THSD7B: variants seen among roughly 807,000 people sequenced by gnomAD.
THSD7B encodes thrombospondin type-1 domain-containing protein 7B.
Under a neutral mutation model 213.6 loss-of-function variants are expected in THSD7B, and 138 were observed. The observed-to-expected ratio is 0.65, with a 90% CI of 0.56 to 0.74. THSD7B has a LOEUF of 0.74. Ranked by LOEUF, THSD7B falls within the 30% of genes least tolerant of loss-of-function variation. The pLI, the probability that THSD7B is intolerant of heterozygous loss-of-function variation, is 0.00. For synonymous variants in THSD7B, 742 were observed against 687.0 expected, an observed-to-expected ratio of 1.08 and a Z score of -1.25; for missense variants, 1,931 against 1,991.5, an observed-to-expected ratio of 0.97 and a Z score of 0.58.
At chr2:137,419,774 A>T (rs187704904) in intron 14 of THSD7B, among the ~76,000 whole-genome samples, 23 of 151,974 alleles carry the variant, frequency 1.5e-4, no homozygotes, top group East Asian at 8.0e-4. Flanking sequence ...TTCAGCTTGA[A>T]GGTCAGATTT....
intron 15 of THSD7B, among the ~76,000 whole-genome samples, chr2:137,516,446 C>G (rs1269165115): frequency 6.6e-6 from 1 of 152,142 alleles, no homozygotes; most frequent in Non-Finnish European, 1.5e-5. Flanking sequence ...CATCCTTCCC[C>G]AAGGAGACCT....
chr2:136,964,904 G>A (rs1392095975), intron 2 of THSD7B, among the ~76,000 whole-genome samples: 1 of 151,784 alleles, frequency 6.6e-6, no homozygotes, highest in Non-Finnish European at 1.5e-5. Context: ...AGGAAGCTGA[G>A]GCAGAAGAAT....
chr2:137,127,348 A>G (rs1413099031), intron 5 of THSD7B, among the ~76,000 whole-genome samples: 1 of 152,208 alleles, frequency 6.6e-6, no homozygotes, highest in Non-Finnish European at 1.5e-5. Flanking sequence ...CAGGTGCCCT[A>G]ACTTACAGTG....
chr2:137,546,441 A>AT (rs1680728988), intron 15 of THSD7B, among the ~76,000 whole-genome samples: 1 of 31,348 alleles, frequency 3.2e-5, no homozygotes, highest in Non-Finnish European at 5.0e-5. Flanking sequence ...TATATTATAT[A>AT]TATTATATAT....
At chr2:137,027,881 T>C (rs2104849084) in intron 2 of THSD7B, among the ~76,000 whole-genome samples, 1 of 152,294 alleles carries the variant, frequency 6.6e-6, no homozygotes, top group East Asian at 1.9e-4. Context: ...GATACTTGCT[T>C]CAATTTCTTC....
chr2:136,839,658 T>A (rs940675321), intron 1 of THSD7B, among the ~76,000 whole-genome samples: 1 of 152,178 alleles, frequency 6.6e-6, no homozygotes, highest in Non-Finnish European at 1.5e-5. Flanking sequence ...GAAAAAACTT[T>A]CAAAAAAATG....
chr2:137,098,166 T>C (rs2104921951), intron 4 of THSD7B, among the ~76,000 whole-genome samples: 1 of 152,352 alleles, frequency 6.6e-6, no homozygotes, highest in South Asian at 2.1e-4. Context: ...TCAAGCAAGT[T>C]AATTCACCTT....
At chr2:137,113,258 G>T (rs1688383732) in intron 4 of THSD7B, among the ~76,000 whole-genome samples, 2 of 152,058 alleles carry the variant, frequency 1.3e-5, no homozygotes, top group African/African-American at 4.8e-5. Flanking sequence ...TGAAAAACAA[G>T]GCTTCTGCTG....
rs558959013 is a variant in THSD7B at position 137,246,094 on chromosome 2, G to A, written c.2266+3522G>A. 2.2e-4 allele frequency among the ~76,000 whole-genome samples: 34 copies of A among 152,282 alleles called. No homozygotes were observed. In the East Asian group the frequency reaches 5.0e-3, roughly 22 times the overall value. On this transcript the variant is annotated intron_variant, in intron 10 of 27. Transcript: ENST00000409968. ...GGACCAGGGACAGACTAGCAGGTGG[G>A]GACAGGGTGGGAGGTGAAGGGGAGT...
At chr2:137,053,801 T>C (rs1687111372) in intron 2 of THSD7B, among the ~76,000 whole-genome samples, 1 of 152,154 alleles carries the variant, frequency 6.6e-6, no homozygotes, top group African/African-American at 2.4e-5. Flanking sequence ...TGACAGCCAT[T>C]ACTTAAAAAT....
intron 2 of THSD7B, among the ~76,000 whole-genome samples, chr2:136,933,157 TTCCTTC>T (rs1684662569): frequency 1.8e-5 from 2 of 111,528 alleles, no homozygotes; most frequent in African/African-American, 5.5e-5. Flanking sequence ...CCTTCCTTCC[TTCCTTC>T]CTTCCTGTTC....
chr2:137,612,891 C>G (rs1187258629), intron 17 of THSD7B, among the ~76,000 whole-genome samples: 1 of 152,114 alleles, frequency 6.6e-6, no homozygotes, highest in Non-Finnish European at 1.5e-5. Flanking sequence ...AACAAATATA[C>G]AGTTAAATCA....
chr2:137,234,721 A>G (rs1357972490), intron 9 of THSD7B, among the ~76,000 whole-genome samples: 3 of 152,180 alleles, frequency 2.0e-5, no homozygotes, highest in African/African-American at 7.2e-5. Context: ...AGCTAAACCT[A>G]TATGTAGAGG....
chr2:137,430,521 C>A (rs898315400), intron 14 of THSD7B, among the ~76,000 whole-genome samples: 11 of 152,170 alleles, frequency 7.2e-5, no homozygotes, highest in African/African-American at 2.7e-4. Context: ...AGGAATTGCC[C>A]AAGGGCTGCC....
At chr2:137,504,619 T>C (rs1005255592) in intron 15 of THSD7B, among the ~76,000 whole-genome samples, 2 of 152,224 alleles carry the variant, frequency 1.3e-5, no homozygotes, top group Non-Finnish European at 2.9e-5. Context: ...ACTGAAGATT[T>C]GGTAGACTGT....
chr2:137,474,989 A>T (rs935092318), intron 15 of THSD7B, among the ~76,000 whole-genome samples: 1 of 152,124 alleles, frequency 6.6e-6, no homozygotes, highest in African/African-American at 2.4e-5. Flanking sequence ...AAGTTTCTCT[A>T]GGACTGGGTA....
At chr2:137,196,913 G>T (rs1284680419) in intron 7 of THSD7B, among the ~76,000 whole-genome samples, 1 of 152,110 alleles carries the variant, frequency 6.6e-6, no homozygotes, top group Non-Finnish European at 1.5e-5. Flanking sequence ...AAAGATCAGC[G>T]GTAATAGGGC....
intron 1 of THSD7B, among the ~76,000 whole-genome samples, chr2:136,789,124 A>G (rs1174031055): frequency 6.6e-6 from 1 of 152,126 alleles, no homozygotes; most frequent in Non-Finnish European, 1.5e-5. Flanking sequence ...CACTAATTAA[A>G]GGGATATTAT....
At position 137,239,307 on chromosome 2, in the gene THSD7B, G is replaced by A. The variant is rs373513924; in HGVS notation, c.2151-3150G>A. ...GCACAACCACTTTTTAACAGTTGCT[G>A]AATTTTTTTTCTGTCTCTCTCTGAA... is the stretch of plus-strand genomic sequence containing the variant. On this transcript the variant is annotated intron_variant, in intron 9 of 27. Coordinates refer to ENST00000409968, the MANE Select transcript of THSD7B (RefSeq NM_001316349.2). 1.7e-4 allele frequency among the ~76,000 whole-genome samples: 26 copies of A among 152,244 alleles called. No homozygotes were observed. The East Asian group carries it at 5.0e-3, about 29-fold the overall frequency.
Sources: allele counts gnomAD v4.1 joint callset (sites outside exome capture counted in the v4.1 genomes callset), GRCh38; gene constraint gnomAD v4.1.1; transcripts MANE v1.5; gene names NCBI Gene and HGNC (gene_info 2026-07-23, HGNC 2026-07-21).